POLN: variants seen among roughly 807,000 people sequenced by gnomAD.
POLN encodes the protein DNA polymerase nu, also known as DNA polymerase N.
In POLN, 108 loss-of-function variants were observed where a neutral mutation model predicts 113.5. The observed-to-expected ratio is 0.95, with a 90% CI of 0.81 to 1.12. POLN has a LOEUF of 1.12. POLN is among the 50% of genes most tolerant of loss of function. The pLI is 0.00. For missense variants in POLN, 1,097 were observed against 1,077.1 expected (o/e 1.02, Z -0.26); for synonymous variants, 386 against 391.5 (o/e 0.99, Z 0.17).
At chr4:2,229,069 GAGAA>G (rs1240594641) in intron 3 of POLN, 26 bp downstream of exon 3, 2 of 1,554,028 alleles carry the variant, frequency 1.3e-6, no homozygotes, top group Non-Finnish European at 1.8e-6. Flanking sequence ...AAAGTATCAA[GAGAA>G]AGAAAGGTTC....
intron 19 of POLN, among the ~76,000 whole-genome samples, chr4:2,113,152 T>C (rs1216923432): frequency 2.1e-5 from 3 of 143,438 alleles, no homozygotes; most frequent in African/African-American, 7.8e-5. Flanking sequence ...AACCAAACAC[T>C]GCATGTTCTC....
chr4:2,181,531 TAAAAG>T (rs1331855832), intron 7 of POLN, among the ~76,000 whole-genome samples: 1 of 150,846 alleles, frequency 6.6e-6, no homozygotes, highest in Non-Finnish European at 1.5e-5. Context: ...TTAAAAAATC[TAAAAG>T]AAATGACGAA....
At chr4:2,162,297 C>T (rs62285176) in intron 13 of POLN, among the ~76,000 whole-genome samples, 12,149 of 152,046 alleles carry the variant, frequency 0.08, 710 homozygotes, top group African/African-American at 0.15. Context: ...CCAGACGCGC[C>T]GCCTTAAGAG....
intron 3 of POLN, among the ~76,000 whole-genome samples, chr4:2,216,584 T>C (rs758088109): frequency 8.5e-4 from 129 of 152,228 alleles, no homozygotes; most frequent in Non-Finnish European, 5.6e-4. Flanking sequence ...CCTACTCTCA[T>C]GTGCCCACTG....
chr4:2,110,746 T>G (rs1269684774), intron 19 of POLN, among the ~76,000 whole-genome samples: 1 of 152,084 alleles, frequency 6.6e-6, no homozygotes, highest in Non-Finnish European at 1.5e-5. Context: ...AGGCAATAAT[T>G]AATAGCTTAC....
At chr4:2,090,195 A>C (rs138434521) in intron 20 of POLN, 2 of 894,792 alleles carry the variant, frequency 2.2e-6, no homozygotes, top group African/African-American at 3.4e-5. Flanking sequence ...ACCTTTTGCT[A>C]TCTTTCCTGT....
chr4:2,229,185 G>A lies in POLN; in HGVS notation c.47C>T (p.Pro16Leu), dbSNP rs779977250. The A allele has an allele frequency of 6.0e-5, 96 of 1,610,014 alleles. No homozygotes were observed. Among genetic ancestry groups the A allele is most frequent in the Non-Finnish European group, 7.7e-5 (91 of 1,176,774 alleles). ...ALVGFDLCNTPLSSVAQKIMS... is the reference protein window; with the variant it reads ...ALVGFDLCNTLLSSVAQKIMS... Reference sequence around the variant, plus strand: ...AATCTTCTGAGCAACACTGGAGAGCGGTGTATTACAGAGATCAAAGCCTAC... The same window carrying A: ...AATCTTCTGAGCAACACTGGAGAGCAGTGTATTACAGAGATCAAAGCCTAC... Residue 16 changes from proline (P) to leucine (L), a missense_variant, in exon 3 of 26, where the codon CCG (proline) becomes CTG (leucine). Pro to Leu is a moderately conservative substitution (Grantham distance 98). Coordinates refer to ENST00000511885, the MANE Select transcript of POLN (RefSeq NM_181808.4).
intron 2 of POLN, chr4:2,231,998 C>A (rs1309638603): frequency 1.3e-6 from 2 of 1,498,278 alleles, no homozygotes; most frequent in Admixed American, 1.7e-5. Context: ...TTCAGATAAT[C>A]TTCATCTTTT....
chr4:2,187,317 C>T (rs1733302274), intron 7 of POLN, among the ~76,000 whole-genome samples: 1 of 152,184 alleles, frequency 6.6e-6, no homozygotes, highest in Non-Finnish European at 1.5e-5. Context: ...GATCTTGGCT[C>T]ATTGCAACCT....
intron 13 of POLN, among the ~76,000 whole-genome samples, chr4:2,162,757 C>T (rs972185612): frequency 5.9e-5 from 9 of 151,962 alleles, no homozygotes; most frequent in South Asian, 2.1e-4. Flanking sequence ...ATGCCCGGCC[C>T]GATTTTATTT....
At chr4:2,198,755 C>T (rs1245700659) in intron 5 of POLN, 38 bp from the exon 6 acceptor site, 2 of 1,521,632 alleles carry the variant, frequency 1.3e-6, no homozygotes, top group Admixed American at 2.0e-5. Context: ...ACCCAGACAA[C>T]ATATCTGTTG....
chr4:2,173,336 T>C (rs887224349), intron 11 of POLN, among the ~76,000 whole-genome samples: 7 of 152,200 alleles, frequency 4.6e-5, no homozygotes, highest in Admixed American at 2.0e-4. Flanking sequence ...AGAAAATGTA[T>C]TACGTGTATA....
chr4:2,200,078 T>A (rs1350196737), intron 5 of POLN, among the ~76,000 whole-genome samples: 1 of 152,186 alleles, frequency 6.6e-6, no homozygotes, highest in Non-Finnish European at 1.5e-5. Context: ...AACTCAATAC[T>A]ATTATATTAA....
chr4:2,191,672 T>C (rs1265443060), intron 7 of POLN, among the ~76,000 whole-genome samples: 2 of 152,140 alleles, frequency 1.3e-5, no homozygotes, highest in Non-Finnish European at 2.9e-5. Flanking sequence ...AGATTATTGG[T>C]TATTTTGCTT....
intron 19 of POLN, among the ~76,000 whole-genome samples, chr4:2,104,219 G>A (rs2108706738): frequency 6.6e-6 from 1 of 152,286 alleles, no homozygotes; most frequent in East Asian, 1.9e-4. Context: ...AACCTTAAAG[G>A]TAAATGGATT....
chr4:2,125,111 CA>C (rs1731546945), intron 19 of POLN, among the ~76,000 whole-genome samples: 1 of 152,134 alleles, frequency 6.6e-6, no homozygotes, highest in Non-Finnish European at 1.5e-5. Context: ...GATATGTTAA[CA>C]ATGCTAGAGT....
intron 19 of POLN, among the ~76,000 whole-genome samples, chr4:2,099,445 T>C (rs1352029683): frequency 6.6e-6 from 1 of 152,226 alleles, no homozygotes; most frequent in Admixed American, 6.5e-5. Flanking sequence ...CCCAGTCTAG[T>C]CATGAGAAAA....
At chr4:2,157,992 C>T in intron 14 of POLN, 81 bp from the exon 15 acceptor site, 17 of 1,134,814 alleles carry the variant, frequency 1.5e-5, no homozygotes, top group Non-Finnish European at 2.2e-5. Context: ...CGCTCCATTG[C>T]CCAGGCTGGA....
chr4:2,157,746 A>G (rs944893096), intron 15 of POLN, 112 bp downstream of exon 15: 35 of 400,840 alleles, frequency 8.7e-5, no homozygotes, highest in African/African-American at 7.5e-4. Flanking sequence ...AAAAAAAAAA[A>G]GAATATTTAG....
Sources: gnomAD v4.1 joint callset for allele counts (sites outside exome capture counted in the v4.1 genomes callset) on GRCh38, gnomAD v4.1.1 for gene constraint, MANE v1.5 for transcripts, NCBI Gene and HGNC (gene_info 2026-07-23, HGNC 2026-07-21) for gene names.